Variants in NTNG1 observed in about 807,000 individuals in gnomAD.
NTNG1 encodes netrin G1, also known as netrin-G1.
A neutral mutation model predicts 54.0 loss-of-function variants in NTNG1; 16 were observed. The ratio of observed to expected loss-of-function variants is 0.30; its 90% confidence interval spans 0.20 to 0.45. The LOEUF (loss-of-function observed/expected upper bound fraction) is 0.45, where lower values mean the gene tolerates loss of function less well. Ranked by LOEUF, NTNG1 falls within the 20% of genes least tolerant of loss-of-function variation. The pLI is 1.00. For synonymous variants in NTNG1, 255 were observed against 263.1 expected, an observed-to-expected ratio of 0.97 and a Z score of 0.30; for missense variants, 530 against 678.7, an observed-to-expected ratio of 0.78 and a Z score of 2.43.
intron 2 of NTNG1, among the ~76,000 whole-genome samples, chr1:107,195,881 C>T (rs1658280376): frequency 6.6e-6 from 1 of 151,974 alleles, no homozygotes. Flanking sequence ...GACCCTCTTT[C>T]TCACCCTGTG....
intron 2 of NTNG1, among the ~76,000 whole-genome samples, chr1:107,264,072 C>T (rs187063919): frequency 1.1e-4 from 16 of 151,498 alleles, no homozygotes; most frequent in Non-Finnish European, 1.8e-4. Context: ...ATCTATAGTC[C>T]TCTCTCTCTC....
At chr1:107,439,526 A>G (rs1675829588) in intron 7 of NTNG1, among the ~76,000 whole-genome samples, 1 of 152,136 alleles carries the variant, frequency 6.6e-6, no homozygotes, top group African/African-American at 2.4e-5. Context: ...CTAAGTAAAG[A>G]AAAGAATGGA....
intron 2 of NTNG1, among the ~76,000 whole-genome samples, chr1:107,215,231 A>G (rs189810170): frequency 6.4e-4 from 97 of 152,216 alleles, no homozygotes; most frequent in African/African-American, 2.3e-3. Context: ...GTGTTTTTCC[A>G]AAGTTATCTT....
intron 2 of NTNG1, among the ~76,000 whole-genome samples, chr1:107,206,955 T>C (rs6583011): frequency 0.96 from 145,678 of 152,286 alleles, 69,993 homozygotes; most frequent in Non-Finnish European, 1. Flanking sequence ...GTACTTTAAG[T>C]ATATGAACAT....
At chr1:107,223,178 A>G (rs1384514637) in intron 2 of NTNG1, among the ~76,000 whole-genome samples, 1 of 152,068 alleles carries the variant, frequency 6.6e-6, no homozygotes, top group Non-Finnish European at 1.5e-5. Context: ...TATGAGTTTC[A>G]GTTTCTACCC....
intron 7 of NTNG1, among the ~76,000 whole-genome samples, chr1:107,445,231 G>A (rs34586704): frequency 6.6e-6 from 1 of 152,024 alleles, no homozygotes; most frequent in Admixed American, 6.6e-5. Context: ...TCTTGTTCTA[G>A]GTGTAACTCC....
At chr1:107,290,963 T>TATAATA (rs199789100) in intron 2 of NTNG1, among the ~76,000 whole-genome samples, 1 of 142,530 alleles carries the variant, frequency 7.0e-6, no homozygotes, top group South Asian at 2.2e-4. Flanking sequence ...TATATATATA[T>TATAATA]TATATATATA....
chr1:107,434,570 CTAAGCAT>C (rs1230913741), intron 6 of NTNG1, among the ~76,000 whole-genome samples: 1 of 152,030 alleles, frequency 6.6e-6, no homozygotes, highest in African/African-American at 2.4e-5. Context: ...GCAGCTGCTG[CTAAGCAT>C]TTCTTAAAAT....
intron 5 of NTNG1, among the ~76,000 whole-genome samples, chr1:107,417,277 A>C (rs1674279487): frequency 6.6e-6 from 1 of 152,086 alleles, no homozygotes; most frequent in South Asian, 2.1e-4. Context: ...TTGTGGATAT[A>C]TGTATGAGAA....
Position 107,288,133 on chromosome 1 carries a change from G to C in NTNG1, c.247-36149G>C, listed in dbSNP as rs545407746. Among the ~76,000 whole-genome samples, 3 of 152,176 alleles carry C rather than the reference G, an allele frequency of 2.0e-5. No individual in the cohort carries two copies. The East Asian group carries it at 5.8e-4, about 29-fold the overall frequency. ...TAAAAGCCTGAAGTAGGGTACAGAA[G>C]GATAAATAAATGGCATCATAAAAGA... On this transcript the variant is annotated intron_variant, in intron 2 of 7. Transcript: ENST00000370068.
rs181824478 is a variant in NTNG1, at chr1:107,417,560, T to C, written c.1087+9852T>C. 2.7e-4 allele frequency among the ~76,000 whole-genome samples: 41 copies of C among 152,208 alleles called. 1 individual carries two copies. The East Asian group carries it at 7.2e-3, about 27-fold the overall frequency. On this transcript the variant is annotated intron_variant, in intron 5 of 7. Transcript: ENST00000370068. ...ATTACAGAGATGAGAAATCGACCTA[T>C]ACAATTTTAACTGGCAATATTAAAA...
At chr1:107,218,531 C>T (rs1660119476) in intron 2 of NTNG1, among the ~76,000 whole-genome samples, 2 of 151,938 alleles carry the variant, frequency 1.3e-5, no homozygotes, top group South Asian at 4.1e-4. Context: ...TTTTTCATTG[C>T]ATAGTTGTTT....
chr1:107,142,031 A>G (rs1447148736), intron 1 of NTNG1, among the ~76,000 whole-genome samples: 1 of 151,936 alleles, frequency 6.6e-6, no homozygotes, highest in Non-Finnish European at 1.5e-5. Flanking sequence ...GCAGCTGGGG[A>G]GAAAGGGAAA....
chr1:107,247,053 A>G (rs553038110), intron 2 of NTNG1, among the ~76,000 whole-genome samples: 1 of 152,258 alleles, frequency 6.6e-6, no homozygotes, highest in South Asian at 2.1e-4. Context: ...TTGATTTTTC[A>G]CTAAAGTACA....
At chr1:107,199,278 CTT>C (rs10706795) in intron 2 of NTNG1, among the ~76,000 whole-genome samples, 2 of 149,996 alleles carry the variant, frequency 1.3e-5, no homozygotes, top group East Asian at 2.0e-4. Flanking sequence ...TTTATTACTT[CTT>C]TTTTTTTTCT....
At chr1:107,410,101 G>C (rs1369165395) in intron 5 of NTNG1, 1 of 152,026 alleles carries the variant, frequency 6.6e-6, no homozygotes, top group Non-Finnish European at 1.5e-5. Context: ...CCCAAAGAAG[G>C]AATCAATGAC....
At chr1:107,370,823 A>G (rs1670878658) in intron 3 of NTNG1, among the ~76,000 whole-genome samples, 1 of 152,056 alleles carries the variant, frequency 6.6e-6, no homozygotes, top group African/African-American at 2.4e-5. Flanking sequence ...GTCAAATTTA[A>G]TCGTAAGTAT....
At chr1:107,262,403 A>G (rs1663415762) in intron 2 of NTNG1, among the ~76,000 whole-genome samples, 2 of 152,208 alleles carry the variant, frequency 1.3e-5, no homozygotes. Context: ...TGTCAGGGAG[A>G]CAAGCATAGA....
chr1:107,160,779 T>C (rs536826813), intron 2 of NTNG1, among the ~76,000 whole-genome samples: 10 of 152,152 alleles, frequency 6.6e-5, no homozygotes, highest in Non-Finnish European at 1.3e-4. Flanking sequence ...CTTGTAACAC[T>C]GTTTATTCCT....
Sources: allele counts gnomAD v4.1 joint callset (sites outside exome capture counted in the v4.1 genomes callset), GRCh38; gene constraint gnomAD v4.1.1; transcripts MANE v1.5; gene names NCBI Gene and HGNC (gene_info 2026-07-23, HGNC 2026-07-21).